ZNF76: variants seen among roughly 807,000 people sequenced by gnomAD.
ZNF76 encodes zinc finger protein 76, also known as zinc finger protein 523.
In ZNF76, 66 loss-of-function variants were observed where a neutral mutation model predicts 66.9. The ratio of observed to expected loss-of-function variants is 0.99; its 90% CI spans 0.81 to 1.21. ZNF76 has a LOEUF of 1.21. Among genes scored for constraint, ZNF76 ranks in the 50% most tolerant of loss-of-function variants. The probability of loss-of-function intolerance (pLI) is 0.00; values close to 1 mark genes in which losing one functional copy is unlikely to be tolerated. For missense variants in ZNF76, 729 were observed against 760.3 expected, an observed-to-expected ratio of 0.96 and a Z score of 0.48; for synonymous variants, 275 against 296.1, an observed-to-expected ratio of 0.93 and a Z score of 0.73.
chr6:35,294,001 A>C (rs1156748078), intron 12 of ZNF76, 86 bp downstream of exon 12: 2 of 1,483,098 alleles, frequency 1.3e-6, no homozygotes, highest in African/African-American at 2.8e-5. Flanking sequence ...AAACTAGTCA[A>C]GTCTTCTTAC....
rs1291939201 is a variant in ZNF76, at chr6:35,292,743, C to T, written c.1121C>T (p.Thr374Met). The T allele has an allele frequency of 4.3e-6, 7 of 1,613,930 alleles. No homozygotes were observed. The highest frequency in any genetic ancestry group is 1.7e-5 in the Admixed American group (1 of 59,986). Reference protein sequence around the residue: ...KRSAHGELEATEESEQALYEQ... With the variant: ...KRSAHGELEAMEESEQALYEQ... ...AGTGCCCACGGCGAGCTGGAGGCCA[C>T]GGAGGAGAGCGAGCAGGCCCTCTAT... Residue 374 changes from threonine to methionine, a missense_variant, in exon 10 of 14, where the codon ACG (threonine) becomes ATG (methionine). Physicochemically the swap from Thr to Met is moderately conservative, Grantham distance 81 (BLOSUM62 -1). Transcript: ENST00000373953. This position sits in a 1 kb window ranked among gnomAD's most constrained non-coding sequence, Gnocchi z 4.7.
intron 12 of ZNF76, chr6:35,294,129 C>T (rs190011706): frequency 3.2e-6 from 2 of 622,572 alleles, no homozygotes; most frequent in Admixed American, 6.3e-5. Context: ...AATCTCAATT[C>T]AACCCTGATT....
intron 1 of ZNF76, among the ~76,000 whole-genome samples, chr6:35,261,610 A>C (rs1013092609): frequency 6.6e-6 from 1 of 152,342 alleles, no homozygotes; most frequent in East Asian, 1.9e-4. Context: ...AAAACAAAAC[A>C]AAACCCTACT....
In ZNF76 at chr6:35,281,120, T is replaced by A; in HGVS notation, c.-32T>A. ...CTCTTGGTGCTGGCCAGAAGCCAAC[T>A]TCATGTCTGAGTGCACGAGCAGCAG... On this transcript the variant is annotated 5_prime_UTR_variant, in exon 2 of 14. Transcript: ENST00000373953. The A allele has an allele frequency of 6.2e-7, 1 of 1,612,952 alleles. No individual in the cohort carries two copies. The highest frequency in any genetic ancestry group is 8.5e-7 in the Non-Finnish European group (1 of 1,179,068).
intron 2 of ZNF76, among the ~76,000 whole-genome samples, chr6:35,284,818 C>T (rs1789304442): frequency 6.6e-6 from 1 of 152,172 alleles, no homozygotes; most frequent in Non-Finnish European, 1.5e-5. Context: ...TCAAGCAATC[C>T]TCCCACCTCA....
intron 1 of ZNF76, among the ~76,000 whole-genome samples, chr6:35,267,672 G>A (rs561352242): frequency 1.3e-5 from 2 of 152,310 alleles, no homozygotes; most frequent in African/African-American, 2.4e-5. Flanking sequence ...AGGGAGCACC[G>A]CAGACAACCC....
At chr6:35,264,352 G>A (rs1179112837) in intron 1 of ZNF76, among the ~76,000 whole-genome samples, 1 of 152,180 alleles carries the variant, frequency 6.6e-6, no homozygotes, top group Non-Finnish European at 1.5e-5. Flanking sequence ...GGTAAGATAG[G>A]TTGTTTGACG....
Position 35,295,804 on chromosome 6 carries a change from T to G in ZNF76, c.*556T>G. ...AGAAAAGGTGCCCAGCCCCCACCAC[T>G]CCTCAGCTGCCCCCCAACCTCTCTA... On this transcript the variant is annotated 3_prime_UTR_variant, in exon 14 of 14. Transcript: ENST00000373953. 1 of 180,078 alleles carries G rather than the reference T, an allele frequency of 5.6e-6. No individual in the cohort carries two copies. The highest frequency in any genetic ancestry group is 1.2e-5 in the Non-Finnish European group (1 of 82,446). The allele number at this position is 180,078 out of a possible 1,614,324, so 11.2% of individuals were successfully genotyped here. A position where few individuals can be genotyped will look rare whatever the true frequency, so the allele number is the denominator to read the frequency against.
In ZNF76 at chr6:35,291,328, A is replaced by C; in HGVS notation, c.676A>C (p.Lys226Gln). 6.2e-7 allele frequency: 1 copy of C among 1,613,936 alleles called. No individual in the cohort carries two copies. The highest frequency in any genetic ancestry group is 8.5e-7 in the Non-Finnish European group (1 of 1,179,916). Residue 226 changes from lysine (K) to glutamine (Q), a missense_variant, in exon 8 of 14, where the codon AAG becomes CAG. Coordinates refer to ENST00000373953, the MANE Select transcript of ZNF76 (RefSeq NM_003427.5). ...TACCCACACTGGTGAGAAACCATAC[A>C]AGTGCCCAGAGGAGCTGTGCAGCAA... Reference protein sequence around the residue: ...VRTHTGEKPYKCPEELCSKAF... With the variant: ...VRTHTGEKPYQCPEELCSKAF...
In ZNF76 at chr6:35,287,895, G is replaced by A; in HGVS notation, c.432+50G>A. On this transcript the variant is annotated intron_variant, in intron 5 of 13. Coordinates refer to ENST00000373953, the MANE Select transcript of ZNF76 (RefSeq NM_003427.5). This position sits in a 1 kb window ranked among gnomAD's most constrained non-coding sequence, Gnocchi z 4.0. ...TCTGTCACTCTAGACAACCGGGCCTGGCCTGCGCACTGCCTCTTGGCCCTG... is the reference window on the plus strand; with the variant it reads ...TCTGTCACTCTAGACAACCGGGCCTAGCCTGCGCACTGCCTCTTGGCCCTG... 1.3e-6 allele frequency: 2 copies of A among 1,543,054 alleles called. No individual in the cohort carries two copies. Among genetic ancestry groups the A allele is most frequent in the Non-Finnish European group, 1.8e-6 (2 of 1,141,838 alleles).
chr6:35,291,836 C>G (rs1251248868), intron 9 of ZNF76, 99 bp downstream of exon 9: 1 of 1,411,634 alleles, frequency 7.1e-7, no homozygotes, highest in Non-Finnish European at 9.7e-7. Context: ...CAGCCCAGAA[C>G]CCTTCTGTGC....
At chr6:35,261,894 A>G (rs934877391) in intron 1 of ZNF76, among the ~76,000 whole-genome samples, 13 of 152,132 alleles carry the variant, frequency 8.5e-5, no homozygotes, top group Non-Finnish European at 1.8e-4. Flanking sequence ...TTTTGATCTC[A>G]TATCCCCTGA....
chr6:35,295,197 G>A lies in ZNF76; in HGVS notation c.1662G>A (p.Met554Ile). The A allele has an allele frequency of 6.2e-7, 1 of 1,612,088 alleles. No individual in the cohort carries two copies. The highest frequency in any genetic ancestry group is 8.5e-7 in the Non-Finnish European group (1 of 1,179,178). The change falls in exon 14 of 14, where the codon ATG (methionine) becomes ATA (isoleucine). Residue 554 changes from methionine to isoleucine, a missense_variant. By Grantham distance (10) the Met-to-Ile change is conservative (BLOSUM62 1). Coordinates refer to ENST00000373953, the MANE Select transcript of ZNF76 (RefSeq NM_003427.5). ...EEAINVATAA[M>I]QQGAVTLETT... ...CCATCAATGTGGCCACTGCGGCCAT[G>A]CAGCAAGGGGCTGTGACCCTGGAGA...
intron 1 of ZNF76, among the ~76,000 whole-genome samples, chr6:35,264,495 A>T (rs1785710796): frequency 6.6e-6 from 1 of 152,200 alleles, no homozygotes; most frequent in South Asian, 2.1e-4. Context: ...CAAGGAGGCA[A>T]AATGTTGGTA....
At chr6:35,275,329 AAGG>A (rs1278759515) in intron 1 of ZNF76, among the ~76,000 whole-genome samples, 1 of 151,684 alleles carries the variant, frequency 6.6e-6, no homozygotes, top group Non-Finnish European at 1.5e-5. Flanking sequence ...TATATCCTAC[AAGG>A]AGAAAACAGA....
chr6:35,277,097 C>G (rs1436171871), intron 1 of ZNF76, among the ~76,000 whole-genome samples: 1 of 152,012 alleles, frequency 6.6e-6, no homozygotes, highest in Non-Finnish European at 1.5e-5. Flanking sequence ...CCGTGCCCAG[C>G]CTGCTTTGTT....
intron 1 of ZNF76, among the ~76,000 whole-genome samples, chr6:35,268,211 T>C (rs1045899224): frequency 4.6e-5 from 7 of 152,220 alleles, no homozygotes; most frequent in African/African-American, 1.7e-4. Context: ...AAGAATGTTA[T>C]TTTCCCCTAA....
In ZNF76 at chr6:35,286,154, A is replaced by G. The variant is rs1445685780; in HGVS notation, c.100A>G (p.Ile34Val). Residue 34 changes from isoleucine to valine, a missense_variant, in exon 3 of 14, where the codon ATC becomes GTC. Ile to Val is a conservative substitution (Grantham distance 29). Transcript: ENST00000373953. ...KGEKLLEGQV[I>V]QLEDGTTAYI... Reference sequence around the variant, plus strand: ...AGAGAAGCTTCTTGAAGGGCAGGTGATCCAGCTCGAGGATGGGACCACCGC... The same window carrying G: ...AGAGAAGCTTCTTGAAGGGCAGGTGGTCCAGCTCGAGGATGGGACCACCGC... 1 of 1,614,032 alleles carries G rather than the reference A, an allele frequency of 6.2e-7. No individual in the cohort carries two copies. The highest frequency in any genetic ancestry group is 1.7e-5 in the Admixed American group (1 of 60,004).
chr6:35,278,434 C>T (rs1788256677), intron 1 of ZNF76, among the ~76,000 whole-genome samples: 1 of 152,230 alleles, frequency 6.6e-6, no homozygotes, highest in African/African-American at 2.4e-5. Flanking sequence ...GATCCGCTCG[C>T]CCCTCAGGGC....
Sources: gnomAD v4.1 joint callset for allele counts (sites outside exome capture counted in the v4.1 genomes callset) on GRCh38, gnomAD v4.1.1 for gene constraint, Gnocchi (gnomAD v3.1) non-coding constraint, MANE v1.5 for transcripts, NCBI Gene and HGNC (gene_info 2026-07-23, HGNC 2026-07-21) for gene names.